The following ENPP4 variants were observed in gnomAD, a reference collection of about 807,000 sequenced individuals.
The protein encoded by ENPP4 is ectonucleotide pyrophosphatase/phosphodiesterase 4.
In ENPP4, 18 loss-of-function variants were observed where a neutral mutation model predicts 33.4. The ratio of observed to expected loss-of-function variants is 0.54; its 90% confidence interval spans 0.37 to 0.80. The LOEUF is 0.80. Ranked by LOEUF, ENPP4 falls within the 30% of genes least tolerant of loss-of-function variation. ENPP4 has a pLI of 0.00. For missense variants in ENPP4, 480 were observed against 541.7 expected (o/e 0.89, Z 1.13); for synonymous variants, 172 against 189.9 (o/e 0.91, Z 0.78).
chr6:46,142,466 A>G, intron 3 of ENPP4, among the ~76,000 whole-genome samples: 1 of 19,978 alleles, frequency 5.0e-5, no homozygotes, highest in South Asian at 1.2e-3. Flanking sequence ...TTATATATAG[A>G]AAAATATATA....
intron 3 of ENPP4, among the ~76,000 whole-genome samples, chr6:46,142,354 AT>A (rs889722499): frequency 5.8e-5 from 8 of 137,566 alleles, no homozygotes; most frequent in African/African-American, 1.9e-4. Flanking sequence ...TATATGTAAT[AT>A]ATATAATATA....
rs748389170 is a variant in ENPP4 at position 46,140,155 on chromosome 6, G to A, written c.572G>A (p.Ser191Asn). The A allele has an allele frequency of 8.1e-6, 13 of 1,612,550 alleles. No homozygotes were observed. Among genetic ancestry groups the A allele is most frequent in the Non-Finnish European group, 1.1e-5 (13 of 1,179,100 alleles). ...ATLYWEEPDA[S>N]GHKYGPEDKE... The stretch of plus-strand genomic sequence containing the variant: ...CTATATTGGGAAGAACCAGATGCAA[G>A]TGGCCACAAATACGGACCTGAAGAT... The change falls in exon 2 of 4, where the codon AGT becomes AAT. Residue 191 changes from serine to asparagine, a missense_variant. Physicochemically the swap from Ser to Asn is conservative, Grantham distance 46. Transcript: ENST00000321037.
rs1184276964 is a variant in ENPP4 at position 46,145,000 on chromosome 6, G to T, written c.*1360G>T. 1.5e-5 allele frequency: 6 copies of T among 395,970 alleles called. 1 individual carries two copies. The highest frequency in any genetic ancestry group is 8.2e-5 in the African/African-American group (4 of 48,566). The allele number at this position is 395,970 out of a possible 1,614,324, so 24.5% of individuals were successfully genotyped here. On this transcript the variant is annotated 3_prime_UTR_variant, in exon 4 of 4. Transcript: ENST00000321037. ...ATCAAAATTAATATGAAGAAACTAGGTTGTGACAGACTAGATTATATTTAG... is the reference window on the plus strand; with the variant it reads ...ATCAAAATTAATATGAAGAAACTAGTTTGTGACAGACTAGATTATATTTAG...
In ENPP4 at chr6:46,143,471, A is replaced by G. The variant is rs182046403; in HGVS notation, c.1193A>G (p.Asp398Gly). 1.9e-6 allele frequency: 3 copies of G among 1,612,782 alleles called. No homozygotes were observed. Among genetic ancestry groups the G allele is most frequent in the Admixed American group, 3.3e-5 (2 of 59,890 alleles). The change falls in exon 4 of 4, where the codon GAC (aspartate) becomes GGC (glycine). Residue 398 changes from aspartate to glycine, a missense_variant. Asp to Gly is a moderately conservative substitution (Grantham distance 94). Coordinates refer to ENST00000321037, the MANE Select transcript of ENPP4 (RefSeq NM_014936.5). ...GGTCATACTAAGTGCTTGTTAGTTG[A>G]CCAGTGGTGCATTAATCTCCCAGAA... is the stretch of plus-strand genomic sequence containing the variant. ...TFGHTKCLLV[D>G]QWCINLPEAI...
intron 2 of ENPP4, 137 bp from the exon 3 acceptor site, chr6:46,140,912 CATT>C (rs2127492828): frequency 1.7e-6 from 1 of 580,628 alleles, no homozygotes. Context: ...AACACTCTCA[CATT>C]ATTATTGCTC....
At chr6:46,136,895 C>T (rs1763985314) in intron 1 of ENPP4, among the ~76,000 whole-genome samples, 1 of 151,882 alleles carries the variant, frequency 6.6e-6, no homozygotes. Flanking sequence ...TTTCTGGCCT[C>T]TACTGTGGAC....
At chr6:46,141,641 A>G (rs993190939) in intron 3 of ENPP4, among the ~76,000 whole-genome samples, 4 of 151,688 alleles carry the variant, frequency 2.6e-5, no homozygotes, top group African/African-American at 9.7e-5. Context: ...TGCTACAGCT[A>G]TTTAGAACAC....
chr6:46,140,916 A>G (rs1436125079), intron 2 of ENPP4, 136 bp from the exon 3 acceptor site: 7 of 585,530 alleles, frequency 1.2e-5, no homozygotes, highest in Non-Finnish European at 2.1e-5. Context: ...CTCTCACATT[A>G]TTATTGCTCT....
chr6:46,131,428 C>G (rs910235552), intron 1 of ENPP4, among the ~76,000 whole-genome samples: 6 of 151,498 alleles, frequency 4.0e-5, no homozygotes, highest in Middle Eastern at 3.4e-3. Context: ...TTTGTTCTTG[C>G]GATAGTTTAC....
chr6:46,133,909 T>G (rs1763938816), intron 1 of ENPP4, among the ~76,000 whole-genome samples: 1 of 152,126 alleles, frequency 6.6e-6, no homozygotes, highest in Non-Finnish European at 1.5e-5. Context: ...GAGATTATTA[T>G]CAGACTTGTT....
intron 1 of ENPP4, among the ~76,000 whole-genome samples, chr6:46,136,648 G>A (rs1391704520): frequency 1.3e-5 from 2 of 151,908 alleles, no homozygotes; most frequent in African/African-American, 4.8e-5. Context: ...TGGGCTTTTT[G>A]TATAGGCAGG....
chr6:46,132,686 G>A (rs1416284189), intron 1 of ENPP4, among the ~76,000 whole-genome samples: 1 of 152,066 alleles, frequency 6.6e-6, no homozygotes, highest in Non-Finnish European at 1.5e-5. Context: ...TTCCAATTCT[G>A]TGAAGAAAGT....
chr6:46,135,668 G>A (rs1763964875), intron 1 of ENPP4, among the ~76,000 whole-genome samples: 4 of 151,876 alleles, frequency 2.6e-5, no homozygotes, highest in Admixed American at 1.3e-4. Context: ...TAATTTTGAA[G>A]TCCAGTTTAT....
rs1260362033 is a variant in ENPP4, at chr6:46,145,684, G to A, written c.*2044G>A. 1.3e-5 allele frequency: 2 copies of A among 151,788 alleles called. No individual in the cohort carries two copies. The highest frequency in any genetic ancestry group is 1.3e-4 in the Admixed American group (2 of 15,196). 9.4% of individuals were successfully genotyped at this position (151,788 alleles called of 1,614,324 possible). A position where few individuals can be genotyped will look rare whatever the true frequency, so the allele number is the denominator to read the frequency against. ...TCTATACTTGGCATCCAACTCATGA[G>A]TGGATTTTATATAGGATGGAACAGG... On this transcript the variant is annotated 3_prime_UTR_variant, in exon 4 of 4. Coordinates refer to ENST00000321037, the MANE Select transcript of ENPP4 (RefSeq NM_014936.5).
intron 1 of ENPP4, among the ~76,000 whole-genome samples, chr6:46,138,502 A>T (rs1764008006): frequency 6.6e-6 from 1 of 151,796 alleles, no homozygotes; most frequent in African/African-American, 2.4e-5. Flanking sequence ...ACTATTTCAG[A>T]CATTCTTTCT....
intron 1 of ENPP4, among the ~76,000 whole-genome samples, 187 bp downstream of exon 1, chr6:46,130,376 G>T (rs1426864092): frequency 6.6e-6 from 1 of 152,256 alleles, no homozygotes; most frequent in Non-Finnish European, 1.5e-5. Context: ...GGGAGGTGGC[G>T]GGCCGAGGCG....
rs767602244 is a variant in ENPP4 at position 46,140,212 on chromosome 6, T to C, written c.629T>C (p.Ile210Thr). The change falls in exon 2 of 4, where the codon ATA (isoleucine) becomes ACA (threonine). Residue 210 changes from isoleucine (I) to threonine (T), a missense_variant. Physicochemically the swap from Ile to Thr is moderately conservative, Grantham distance 89. This residue lies in a region of ENPP4 where 227 missense variants were observed against 273.7 expected (regional missense o/e 0.83). Coordinates refer to ENST00000321037, the MANE Select transcript of ENPP4 (RefSeq NM_014936.5). ...KENMSRVLKK[I>T]DDLIGDLVQR... ...AACATGAGCAGAGTGTTGAAAAAAA[T>C]AGATGATCTTATCGGTGACTTAGTC... The C allele has an allele frequency of 3.7e-6, 6 of 1,612,322 alleles. No individual in the cohort carries two copies. Among genetic ancestry groups the C allele is most frequent in the South Asian group, 1.1e-5 (1 of 91,032 alleles).
intron 1 of ENPP4, among the ~76,000 whole-genome samples, chr6:46,134,938 A>G (rs926976581): frequency 3.3e-5 from 5 of 152,008 alleles, no homozygotes; most frequent in Admixed American, 3.3e-4. Flanking sequence ...ATCTAAATGG[A>G]ATCATATAAT....
Position 46,136,395 on chromosome 6 carries a change from T to C in ENPP4, c.-33-3156T>C, listed in dbSNP as rs560312059. Among the ~76,000 whole-genome samples the C allele has an allele frequency of 3.0e-4, 46 of 152,106 alleles. No individual in the cohort carries two copies. The South Asian group carries it at 6.4e-3, about 21-fold the overall frequency. ...GGTGTCTGCTGAGTTAACCTTCATA[T>C]GTAGGAACTAATTTTAGGATATTCT... On this transcript the variant is annotated intron_variant, in intron 1 of 3. Coordinates refer to ENST00000321037, the MANE Select transcript of ENPP4 (RefSeq NM_014936.5).
Sources: allele counts gnomAD v4.1 joint callset (sites outside exome capture counted in the v4.1 genomes callset), GRCh38; gene constraint gnomAD v4.1.1; regional missense constraint gnomAD v4.1.1; transcripts MANE v1.5; gene names NCBI Gene and HGNC (gene_info 2026-07-23, HGNC 2026-07-21).